Variants in VTA1 observed in about 807,000 individuals in gnomAD.
VTA1 encodes vesicle trafficking 1.
A neutral mutation model predicts 36.9 loss-of-function variants in VTA1; 24 were observed. The observed-to-expected ratio is 0.65, with a 90% CI of 0.47 to 0.91. The LOEUF is 0.91. VTA1 is among the 40% of genes least tolerant of loss of function. The probability of loss-of-function intolerance (pLI) is 0.00; values close to 1 mark genes in which losing one functional copy is unlikely to be tolerated. For missense variants in VTA1, 393 were observed against 377.2 expected (o/e 1.04, Z -0.35); for synonymous variants, 142 against 130.2 (o/e 1.09, Z -0.62).
intron 1 of VTA1, among the ~76,000 whole-genome samples, chr6:142,157,354 T>A (rs1778680868): frequency 6.6e-6 from 1 of 152,200 alleles, no homozygotes; most frequent in South Asian, 2.1e-4. Context: ...TTACTTTTTT[T>A]TATTAATAAG....
At chr6:142,159,356 C>T (rs10155803) in intron 1 of VTA1, among the ~76,000 whole-genome samples, 32 of 151,872 alleles carry the variant, frequency 2.1e-4, no homozygotes, top group African/African-American at 7.5e-4. Flanking sequence ...AGAACGAGAC[C>T]CCATCTCAAA....
intron 4 of VTA1, among the ~76,000 whole-genome samples, chr6:142,173,909 C>G (rs1291154327): frequency 1.3e-5 from 2 of 152,156 alleles, no homozygotes; most frequent in Non-Finnish European, 1.5e-5. Context: ...ATTAGGGTTA[C>G]TAAAGAGTAA....
chr6:142,175,499 T>TC (rs1349345286), intron 4 of VTA1, among the ~76,000 whole-genome samples: 2 of 152,070 alleles, frequency 1.3e-5, no homozygotes, highest in Non-Finnish European at 2.9e-5. Flanking sequence ...CTCTCAGCTC[T>TC]CCCCCACCTG....
chr6:142,199,998 T>A (rs1003664577), intron 6 of VTA1, among the ~76,000 whole-genome samples: 7 of 152,132 alleles, frequency 4.6e-5, no homozygotes, highest in African/African-American at 1.7e-4. Context: ...AGATTATACT[T>A]GAAGGTTGAA....
Position 142,218,737 on chromosome 6 carries a change from G to T in VTA1, c.*94G>T. 8.5e-6 allele frequency: 12 copies of T among 1,410,564 alleles called. No homozygotes were observed. The highest frequency in any genetic ancestry group is 1.1e-5 in the Non-Finnish European group (12 of 1,064,648). The allele number at this position is 1,410,564 out of a possible 1,614,324, so 87.4% of individuals were successfully genotyped here. A position where few individuals can be genotyped will look rare whatever the true frequency, so the allele number is the denominator to read the frequency against. ...CTATCAGGATCACAGTTTTAAGGAA[G>T]ACTTGGTTTTGTTGAATATGACAAT... On this transcript the variant is annotated 3_prime_UTR_variant, in exon 8 of 8. Coordinates refer to ENST00000367630, the MANE Select transcript of VTA1 (RefSeq NM_016485.5).
At chr6:142,152,024 A>G (rs950539294) in intron 1 of VTA1, among the ~76,000 whole-genome samples, 1 of 152,202 alleles carries the variant, frequency 6.6e-6, no homozygotes, top group African/African-American at 2.4e-5. Flanking sequence ...CAGGAGCAAG[A>G]CTTCGTCTCA....
Position 142,162,300 on chromosome 6 carries a change from C to G in VTA1, c.113-3928C>G, listed in dbSNP as rs1774826070. The stretch of plus-strand genomic sequence containing the variant: ...TATTTCTCTACTGTCTAGGTTGTTC[C>G]CTATATTTCTTCCCAAAATTGATCT... On this transcript the variant is annotated intron_variant, in intron 1 of 7. Coordinates refer to ENST00000367630, the MANE Select transcript of VTA1 (RefSeq NM_016485.5). 2.0e-5 allele frequency among the ~76,000 whole-genome samples: 3 copies of G among 152,210 alleles called. No homozygotes were observed. The South Asian group carries it at 6.2e-4, about 32-fold the overall frequency.
chr6:142,208,552 A>G (rs1410163521), intron 7 of VTA1, among the ~76,000 whole-genome samples: 2 of 152,202 alleles, frequency 1.3e-5, no homozygotes, highest in African/African-American at 4.8e-5. Context: ...AACTTGAGAA[A>G]GATATAAATA....
intron 4 of VTA1, among the ~76,000 whole-genome samples, chr6:142,180,084 C>G (rs1001572640): frequency 6.6e-6 from 1 of 152,174 alleles, no homozygotes; most frequent in African/African-American, 2.4e-5. Context: ...TCTGTATACT[C>G]TGCTAGGAGC....
intron 3 of VTA1, among the ~76,000 whole-genome samples, 160 bp downstream of exon 3, chr6:142,169,837 G>A (rs1774995769): frequency 6.6e-6 from 1 of 151,882 alleles, no homozygotes. Flanking sequence ...ACAAATTCGG[G>A]CCTTTCTCTT....
chr6:142,203,403 T>C (rs1775728215), intron 6 of VTA1, among the ~76,000 whole-genome samples: 1 of 152,070 alleles, frequency 6.6e-6, no homozygotes, highest in Non-Finnish European at 1.5e-5. Flanking sequence ...TTTTTGTTAG[T>C]TTTTTAGATG....
At chr6:142,161,261 C>G (rs1252053323) in intron 1 of VTA1, among the ~76,000 whole-genome samples, 2 of 152,062 alleles carry the variant, frequency 1.3e-5, no homozygotes, top group Non-Finnish European at 2.9e-5. Flanking sequence ...ACATTCAGTT[C>G]TATTTTTTGG....
chr6:142,153,416 A>G (rs976486620), intron 1 of VTA1, among the ~76,000 whole-genome samples: 7 of 152,028 alleles, frequency 4.6e-5, no homozygotes, highest in African/African-American at 1.7e-4. Context: ...CTAACTCATT[A>G]CCTTACTATG....
intron 1 of VTA1, among the ~76,000 whole-genome samples, chr6:142,162,660 T>C (rs922908642): frequency 3.3e-5 from 5 of 152,116 alleles, no homozygotes; most frequent in Non-Finnish European, 5.9e-5. Context: ...GATGCAGATA[T>C]AGAGAAAGAA....
intron 4 of VTA1, among the ~76,000 whole-genome samples, chr6:142,174,364 G>A (rs1042136461): frequency 2.6e-5 from 4 of 152,242 alleles, no homozygotes; most frequent in Middle Eastern, 3.4e-3. Flanking sequence ...ACTTGTGTGG[G>A]GCCTATCGTG....
intron 4 of VTA1, among the ~76,000 whole-genome samples, chr6:142,181,090 A>AT (rs1554219828): frequency 1.5e-3 from 63 of 41,026 alleles, no homozygotes; most frequent in African/African-American, 2.2e-3. Flanking sequence ...AAAAAAAAAA[A>AT]AAAAATATAT....
At chr6:142,164,437 T>C (rs771271881) in intron 1 of VTA1, among the ~76,000 whole-genome samples, 1 of 152,146 alleles carries the variant, frequency 6.6e-6, no homozygotes, top group Non-Finnish European at 1.5e-5. Flanking sequence ...TATGTGGTTA[T>C]GAATACATTA....
At chr6:142,173,921 G>A (rs1775071200) in intron 4 of VTA1, among the ~76,000 whole-genome samples, 1 of 152,134 alleles carries the variant, frequency 6.6e-6, no homozygotes, top group South Asian at 2.1e-4. Flanking sequence ...AAAGAGTAAG[G>A]GTAAAGGGAT....
rs557419034 is a variant in VTA1 at position 142,147,611 on chromosome 6, T to TAA, written c.112+214_112+215dup. On this transcript the variant is annotated intron_variant, in intron 1 of 7. Transcript: ENST00000367630. ...TCCACTGCTTCTCCTATCTTGTGCT[T>TAA]AAATGCTCCAGTACTGACTACACAG... Among the ~76,000 whole-genome samples the TAA allele has an allele frequency of 1.1e-4, 17 of 152,336 alleles. No homozygotes were observed. The South Asian group carries it at 3.5e-3, about 32-fold the overall frequency.
Sources: allele counts gnomAD v4.1 joint callset (sites outside exome capture counted in the v4.1 genomes callset), GRCh38; gene constraint gnomAD v4.1.1; transcripts MANE v1.5; gene names NCBI Gene and HGNC (gene_info 2026-07-23, HGNC 2026-07-21).